MATN2: variants seen among roughly 807,000 people sequenced by gnomAD.
MATN2 encodes the protein matrilin 2, also known as matrilin-2.
A neutral mutation model predicts 103.2 loss-of-function variants in MATN2; 69 were observed. The ratio of observed to expected loss-of-function variants is 0.67; its 90% CI spans 0.55 to 0.82. The LOEUF (loss-of-function observed/expected upper bound fraction) is 0.82. Ranked by LOEUF, MATN2 falls within the 40% of genes least tolerant of loss-of-function variation. The pLI is 0.00. For missense variants in MATN2, 1,023 were observed against 1,211.5 expected, an observed-to-expected ratio of 0.84 and a Z score of 2.31; for synonymous variants, 429 against 450.2, an observed-to-expected ratio of 0.95 and a Z score of 0.60.
At chr8:97,939,339 A>T (rs1054828154) in intron 3 of MATN2, among the ~76,000 whole-genome samples, 2 of 152,126 alleles carry the variant, frequency 1.3e-5, no homozygotes, top group African/African-American at 4.8e-5. Flanking sequence ...ACCATTTTAA[A>T]CCGCAAAATC....
At chr8:97,987,220 C>T (rs529602121) in intron 6 of MATN2, among the ~76,000 whole-genome samples, 5 of 152,160 alleles carry the variant, frequency 3.3e-5, no homozygotes, top group South Asian at 2.1e-4. Context: ...GCAGTGTAAA[C>T]GGAATTTGTC....
intron 6 of MATN2, among the ~76,000 whole-genome samples, chr8:97,984,505 G>C (rs1300520645): frequency 6.6e-6 from 1 of 152,208 alleles, no homozygotes; most frequent in Non-Finnish European, 1.5e-5. Flanking sequence ...TGGTTGGTTT[G>C]TAACTGGCCG....
rs1812057121 is a variant in MATN2 at position 97,982,365 on chromosome 8, T to C, written c.1081+3357T>C. 6.6e-6 allele frequency among the ~76,000 whole-genome samples: 1 copy of C among 152,138 alleles called. No individual in the cohort carries two copies. Among genetic ancestry groups the C allele is most frequent in the South Asian group, 2.1e-4 (1 of 4,826 alleles). On this transcript the variant is annotated intron_variant, in intron 6 of 18. Coordinates refer to ENST00000254898, the MANE Select transcript of MATN2 (RefSeq NM_002380.5). The surrounding 1 kb of genome is among the most constrained non-coding windows in gnomAD (Gnocchi z 4.3). Reference sequence around the variant, plus strand: ...GAAGCAGCCACCCTGTTTTAGTGAGTACCAAGGCCTCCCACCAGCTTCCAG... The same window carrying C: ...GAAGCAGCCACCCTGTTTTAGTGAGCACCAAGGCCTCCCACCAGCTTCCAG...
chr8:97,985,833 T>G (rs34899856), intron 6 of MATN2, among the ~76,000 whole-genome samples: 30,099 of 152,166 alleles, frequency 0.2, 3,585 homozygotes, highest in African/African-American at 0.33. Flanking sequence ...TCTCCCAAGT[T>G]TTGAGATTAT....
Position 97,931,473 on chromosome 8 carries a change from T to C in MATN2, c.663T>C (p.Asn221=). The C allele has an allele frequency of 1.9e-6, 3 of 1,613,394 alleles. No individual in the cohort carries two copies. The highest frequency in any genetic ancestry group is 1.7e-6 in the Non-Finnish European group (2 of 1,179,788). The part of the protein sequence containing the change: ...PHEDHVFLVA[N]FSQIETLTSV... The stretch of plus-strand genomic sequence containing the variant: ...AGGACCATGTCTTCCTTGTGGCCAA[T>C]TTCAGCCAGATTGAGACGCTGACCT... Residue 221 remains asparagine, a synonymous_variant, in exon 3 of 19, where the codon AAT becomes AAC. Transcript: ENST00000254898. The surrounding 1 kb of genome is among the most constrained non-coding windows in gnomAD (Gnocchi z 4.1).
intron 4 of MATN2, among the ~76,000 whole-genome samples, chr8:97,945,895 G>T (rs1411183673): frequency 1.3e-5 from 2 of 151,864 alleles, no homozygotes; most frequent in African/African-American, 4.8e-5. Context: ...GTCCCAGAGG[G>T]GTGATGGTTC....
At chr8:97,988,219 C>CATATATAT (rs60086528) in intron 6 of MATN2, among the ~76,000 whole-genome samples, 3,830 of 123,450 alleles carry the variant, frequency 0.031, 103 homozygotes, top group African/African-American at 0.056. Context: ...TACACACATA[C>CATATATAT]ATATATATAT....
intron 6 of MATN2, among the ~76,000 whole-genome samples, chr8:97,993,715 T>C (rs1388310673): frequency 6.6e-6 from 1 of 152,224 alleles, no homozygotes; most frequent in Non-Finnish European, 1.5e-5. Context: ...TGCCTTTCAC[T>C]CCTAGGCCTT....
At chr8:98,021,159 C>T (rs369565631) in intron 12 of MATN2, 46 bp from the exon 13 acceptor site, 36 of 1,595,678 alleles carry the variant, frequency 2.3e-5, no homozygotes, top group Non-Finnish European at 2.0e-5. Context: ...CAATTCACCT[C>T]ATTTCTACAC....
chr8:97,948,807 G>A (rs905557131), intron 4 of MATN2, among the ~76,000 whole-genome samples: 1 of 151,996 alleles, frequency 6.6e-6, no homozygotes, highest in Non-Finnish European at 1.5e-5. Flanking sequence ...CCTCAGGTTG[G>A]CAAAGATTTC....
rs1231424861 is a variant in MATN2 at position 97,994,123 on chromosome 8, GAAGGGA to G, written c.1082-356_1082-351del. Among the ~76,000 whole-genome samples, 8 of 145,108 alleles carry G rather than the reference GAAGGGA, an allele frequency of 5.5e-5. 1 individual carries two copies. The highest frequency in any genetic ancestry group is 2.2e-4 in the Admixed American group (3 of 13,838). ...GAAGAAAGGAAAGGAAGGAAGGAAGGAAGGGAGAGAGAGGAAGGAAGGAAAGAAAGA... is the reference window on the plus strand; with the variant it reads ...GAAGAAAGGAAAGGAAGGAAGGAAGGGAGAGAGGAAGGAAGGAAAGAAAGA... On this transcript the variant is annotated intron_variant, in intron 6 of 18. Transcript: ENST00000254898.
intron 2 of MATN2, among the ~76,000 whole-genome samples, chr8:97,904,641 G>T (rs2130043928): frequency 6.6e-6 from 1 of 152,190 alleles, no homozygotes; most frequent in Non-Finnish European, 1.5e-5. Flanking sequence ...TATCTCTTTT[G>T]TCTTCTCAAA....
chr8:98,000,863 T>C (rs1812760683), intron 7 of MATN2, among the ~76,000 whole-genome samples: 2 of 152,174 alleles, frequency 1.3e-5, no homozygotes, highest in African/African-American at 4.8e-5. Flanking sequence ...CAAAACATAC[T>C]ACATAACCAT....
intron 6 of MATN2, among the ~76,000 whole-genome samples, chr8:97,990,179 CAAAAAAAAA>C (rs34924183): frequency 2.0e-4 from 9 of 45,808 alleles, no homozygotes; most frequent in African/African-American, 7.5e-4. Flanking sequence ...AAGACTCTGT[CAAAAAAAAA>C]AAAAAAAAAA....
At chr8:98,014,543 A>G (rs569293468) in intron 10 of MATN2, among the ~76,000 whole-genome samples, 1 of 152,332 alleles carries the variant, frequency 6.6e-6, no homozygotes, top group African/African-American at 2.4e-5. Flanking sequence ...CATTCTTCAA[A>G]GATTTTGGCA....
At chr8:97,956,400 C>T (rs1027918117) in intron 4 of MATN2, among the ~76,000 whole-genome samples, 5 of 152,190 alleles carry the variant, frequency 3.3e-5, no homozygotes, top group African/African-American at 1.2e-4. Flanking sequence ...TGCTCTTGAA[C>T]TCTTGACCTC....
At chr8:97,881,828 T>C (rs552419363) in intron 1 of MATN2, among the ~76,000 whole-genome samples, 1 of 152,068 alleles carries the variant, frequency 6.6e-6, no homozygotes, top group Non-Finnish European at 1.5e-5. Context: ...TAGGAAAAAA[T>C]CTATCTTGTC....
chr8:97,913,858 G>A (rs762832910), intron 2 of MATN2, among the ~76,000 whole-genome samples: 10 of 152,162 alleles, frequency 6.6e-5, no homozygotes, highest in African/African-American at 1.7e-4. Context: ...CAGCCGATCC[G>A]CCCGCCTTGG....
At chr8:97,925,767 C>T (rs1809968614) in intron 2 of MATN2, among the ~76,000 whole-genome samples, 1 of 152,176 alleles carries the variant, frequency 6.6e-6, no homozygotes, top group African/African-American at 2.4e-5. Context: ...GATCATAGGA[C>T]TCTAATACTG....
Sources: allele counts gnomAD v4.1 joint callset (sites outside exome capture counted in the v4.1 genomes callset), GRCh38; gene constraint gnomAD v4.1.1; non-coding constraint Gnocchi (gnomAD v3.1); transcripts MANE v1.5; gene names NCBI Gene and HGNC (gene_info 2026-07-23, HGNC 2026-07-21).